The following CDH13 variants were observed in gnomAD, a reference collection of about 807,000 sequenced individuals.
The protein encoded by CDH13 is cadherin-13.
Under a neutral mutation model 63.8 loss-of-function variants are expected in CDH13, and 24 were observed. That is an observed-to-expected ratio of 0.38 (90% CI 0.27 to 0.53). CDH13 has a LOEUF of 0.53. Among genes scored for constraint, CDH13 ranks in the 20% least tolerant of loss-of-function variants. The probability of loss-of-function intolerance (pLI) is 0.85; values close to 1 mark genes in which losing one functional copy is unlikely to be tolerated. For synonymous variants in CDH13, 503 were observed against 355.3 expected (o/e 1.42, Z -4.67); for missense variants, 1,049 against 903.1 (o/e 1.16, Z -2.07).
At chr16:83,067,869 TC>T (rs1219996594) in intron 3 of CDH13, among the ~76,000 whole-genome samples, 1 of 152,068 alleles carries the variant, frequency 6.6e-6, no homozygotes, top group East Asian at 1.9e-4. Flanking sequence ...AGGCCTCCCA[TC>T]CCCTCTATCC....
chr16:83,650,767 A>G (rs1182936625), intron 8 of CDH13, among the ~76,000 whole-genome samples: 1 of 152,172 alleles, frequency 6.6e-6, no homozygotes, highest in Non-Finnish European at 1.5e-5. Context: ...TTACGATTAG[A>G]TTACAATTCG....
At chr16:83,714,777 G>A (rs1908636050) in intron 10 of CDH13, among the ~76,000 whole-genome samples, 1 of 152,056 alleles carries the variant, frequency 6.6e-6, no homozygotes, top group Admixed American at 6.5e-5. Flanking sequence ...GACAGAAATG[G>A]GAAATGCCTT....
chr16:83,621,330 G>C (rs998612596), intron 8 of CDH13, among the ~76,000 whole-genome samples: 3 of 152,044 alleles, frequency 2.0e-5, no homozygotes, highest in Non-Finnish European at 4.4e-5. Context: ...GCTATTCCTC[G>C]GGGAATACCT....
chr16:83,485,404 C>G (rs1336657405), intron 6 of CDH13, among the ~76,000 whole-genome samples: 1 of 152,126 alleles, frequency 6.6e-6, no homozygotes, highest in Non-Finnish European at 1.5e-5. Flanking sequence ...TGACATAATC[C>G]AACACTCCAC....
chr16:83,275,008 T>A (rs560528625), intron 5 of CDH13, among the ~76,000 whole-genome samples: 10 of 152,194 alleles, frequency 6.6e-5, no homozygotes, highest in Admixed American at 1.3e-4. Flanking sequence ...GCACTCCCTA[T>A]AGACACATGC....
chr16:82,871,773 A>T (rs2040349433), intron 2 of CDH13, among the ~76,000 whole-genome samples: 1 of 152,140 alleles, frequency 6.6e-6, no homozygotes, highest in African/African-American at 2.4e-5. Flanking sequence ...TGATATCCTC[A>T]ATATCACCCT....
chr16:82,878,416 A>T (rs1243016146), intron 2 of CDH13, among the ~76,000 whole-genome samples: 5 of 151,296 alleles, frequency 3.3e-5, no homozygotes, highest in Non-Finnish European at 7.4e-5. Flanking sequence ...AGCAAAAAAG[A>T]GGAGACGTCA....
At chr16:82,889,012 C>T (rs1440872082) in intron 2 of CDH13, among the ~76,000 whole-genome samples, 1 of 152,076 alleles carries the variant, frequency 6.6e-6, no homozygotes, top group Non-Finnish European at 1.5e-5. Context: ...TATTTACTTC[C>T]CTGGGCTATA....
At chr16:83,010,271 A>G (rs189473811) in intron 2 of CDH13, among the ~76,000 whole-genome samples, 52 of 152,132 alleles carry the variant, frequency 3.4e-4, no homozygotes, top group African/African-American at 1.2e-3. Flanking sequence ...GTCCACGCCA[A>G]TCCCATCATT....
At chr16:82,815,730 A>G (rs2037673884) in intron 1 of CDH13, among the ~76,000 whole-genome samples, 1 of 152,156 alleles carries the variant, frequency 6.6e-6, no homozygotes, top group African/African-American at 2.4e-5. Flanking sequence ...ATCGTAGACT[A>G]TCACTTTGTT....
At chr16:83,408,861 C>T (rs982256158) in intron 6 of CDH13, among the ~76,000 whole-genome samples, 1 of 152,150 alleles carries the variant, frequency 6.6e-6, no homozygotes, top group African/African-American at 2.4e-5. Context: ...AGGAAGCATG[C>T]AGGAGACTTG....
At chr16:83,352,520 T>C (rs115453238) in intron 6 of CDH13, among the ~76,000 whole-genome samples, 1,596 of 152,274 alleles carry the variant, frequency 0.01, 33 homozygotes, top group African/African-American at 0.037. Flanking sequence ...CCTGCACTCA[T>C]GGTTATCACT....
Position 83,794,849 on chromosome 16 carries a change from C to T in CDH13, c.2135-174C>T, listed in dbSNP as rs960741566. Reference sequence around the variant, plus strand: ...AGAAGTCCAGCTTTTTACCATATAACCATTCATTCTGTCTTCCAATGTGAT... The same window carrying T: ...AGAAGTCCAGCTTTTTACCATATAATCATTCATTCTGTCTTCCAATGTGAT... On this transcript the variant is annotated intron_variant, in intron 13 of 13. Transcript: ENST00000567109. Among the ~76,000 whole-genome samples the T allele has an allele frequency of 5.1e-4, 77 of 151,948 alleles. 1 individual carries two copies. Among genetic ancestry groups the T allele is most frequent in the Non-Finnish European group, 8.8e-5 (6 of 68,010 alleles).
chr16:82,697,393 C>T (rs539289518), intron 1 of CDH13, among the ~76,000 whole-genome samples: 2 of 150,052 alleles, frequency 1.3e-5, no homozygotes, highest in African/African-American at 4.9e-5. Context: ...CCTTTAATCA[C>T]CTTTAAGGGG....
At chr16:83,123,192 A>G (rs1015239450) in intron 3 of CDH13, among the ~76,000 whole-genome samples, 1 of 151,848 alleles carries the variant, frequency 6.6e-6, no homozygotes, top group Admixed American at 6.6e-5. Context: ...TTGTGTGTGT[A>G]CACATCTTTA....
At chr16:83,337,685 C>T (rs942694232) in intron 5 of CDH13, among the ~76,000 whole-genome samples, 3 of 111,624 alleles carry the variant, frequency 2.7e-5, no homozygotes, top group Non-Finnish European at 4.9e-5. Context: ...ATGGAAGGAA[C>T]TATGTGGTAG....
chr16:83,714,493 C>A (rs540637393), intron 10 of CDH13, among the ~76,000 whole-genome samples: 36 of 152,256 alleles, frequency 2.4e-4, no homozygotes, highest in African/African-American at 7.9e-4. Flanking sequence ...CTGTTTCTGC[C>A]CCACAAAGGA....
chr16:83,121,082 T>A lies in CDH13; in HGVS notation c.367-4303T>A, dbSNP rs759062093. ...CAGCCAATGCTGTTTCTTTGTTTAG[T>A]GTTGGGTTCGTTTTGGGTGGTTGGC... On this transcript the variant is annotated intron_variant, in intron 3 of 13. Transcript: ENST00000567109. Among the ~76,000 whole-genome samples the A allele has an allele frequency of 9.2e-5, 14 of 152,274 alleles. No homozygotes were observed. In the South Asian group the frequency reaches 2.7e-3, roughly 29 times the overall value.
At chr16:82,777,711 C>T (rs1256308990) in intron 1 of CDH13, among the ~76,000 whole-genome samples, 3 of 152,144 alleles carry the variant, frequency 2.0e-5, no homozygotes, top group Non-Finnish European at 2.9e-5. Flanking sequence ...ATCAAGGTGT[C>T]AACTGAGGCA....
Sources: allele counts gnomAD v4.1 joint callset (sites outside exome capture counted in the v4.1 genomes callset), GRCh38; gene constraint gnomAD v4.1.1; transcripts MANE v1.5; gene names NCBI Gene and HGNC (gene_info 2026-07-23, HGNC 2026-07-21).